The following GPM6A variants were observed in gnomAD, a reference collection of about 807,000 sequenced individuals.
GPM6A encodes the protein neuronal membrane glycoprotein M6-a.
In GPM6A, 7 loss-of-function variants were observed where a neutral mutation model predicts 32.1. That is an observed-to-expected ratio of 0.22 (90% CI 0.12 to 0.41). GPM6A has a LOEUF of 0.41. Ranked by LOEUF, GPM6A falls within the 10% of genes least tolerant of loss-of-function variation. The probability of loss-of-function intolerance (pLI) is 1.00; values close to 1 mark genes in which losing one functional copy is unlikely to be tolerated. For synonymous variants in GPM6A, 130 were observed against 123.4 expected, an observed-to-expected ratio of 1.05 and a Z score of -0.35; for missense variants, 235 against 347.2, an observed-to-expected ratio of 0.68 and a Z score of 2.57.
At chr4:175,755,168 C>A (rs1454203838) in intron 1 of GPM6A, among the ~76,000 whole-genome samples, 4 of 151,876 alleles carry the variant, frequency 2.6e-5, no homozygotes, top group Non-Finnish European at 4.4e-5. Context: ...CAAGGAAATA[C>A]AACTGGTTGT....
chr4:175,787,063 T>G, intron 1 of GPM6A: 1 of 356,718 alleles, frequency 2.8e-6, no homozygotes, highest in African/African-American at 2.1e-5. Context: ...TTGTTTGTTT[T>G]CCTTTGTTTT....
At chr4:175,752,587 CAT>C (rs1212027471) in intron 1 of GPM6A, among the ~76,000 whole-genome samples, 1 of 152,132 alleles carries the variant, frequency 6.6e-6, no homozygotes, top group East Asian at 1.9e-4. Flanking sequence ...TACAAGAAGA[CAT>C]ATTTCCAGAG....
chr4:175,954,886 T>C (rs1281110286), intron 1 of GPM6A, among the ~76,000 whole-genome samples: 1 of 152,200 alleles, frequency 6.6e-6, no homozygotes. Flanking sequence ...AGCCAGGGAC[T>C]ACAGTAAATT....
chr4:175,883,583 T>A (rs923041209), intron 1 of GPM6A, among the ~76,000 whole-genome samples: 18 of 152,164 alleles, frequency 1.2e-4, no homozygotes, highest in African/African-American at 4.3e-4. Flanking sequence ...TAGATGCATC[T>A]TCCCAAGTTA....
chr4:175,976,391 C>A (rs1740664388), intron 1 of GPM6A, among the ~76,000 whole-genome samples: 1 of 150,342 alleles, frequency 6.7e-6, no homozygotes. Flanking sequence ...TGGTCTCGAT[C>A]TCCTGACCCT....
intron 4 of GPM6A, among the ~76,000 whole-genome samples, chr4:175,645,024 C>T (rs368266101): frequency 2.0e-5 from 3 of 152,048 alleles, no homozygotes; most frequent in Middle Eastern, 3.4e-3. Context: ...CGCTTGAACC[C>T]GGGAGGTGGA....
At chr4:175,991,049 C>A (rs1741122102) in intron 1 of GPM6A, among the ~76,000 whole-genome samples, 2 of 149,516 alleles carry the variant, frequency 1.3e-5, no homozygotes, top group Middle Eastern at 3.4e-3. Flanking sequence ...CTTTTTAAAT[C>A]TTTCTTTCTT....
chr4:175,950,307 A>G (rs575150712), intron 1 of GPM6A, among the ~76,000 whole-genome samples: 1 of 152,162 alleles, frequency 6.6e-6, no homozygotes, highest in Non-Finnish European at 1.5e-5. Context: ...TTTTTATTCA[A>G]TTTTTTTACA....
At chr4:175,741,319 C>A (rs537208336) in intron 1 of GPM6A, among the ~76,000 whole-genome samples, 4 of 152,096 alleles carry the variant, frequency 2.6e-5, no homozygotes, top group African/African-American at 7.2e-5. Flanking sequence ...TCTATTCTGC[C>A]TCTTCATCCC....
chr4:175,711,360 A>G (rs1788423882), intron 1 of GPM6A, among the ~76,000 whole-genome samples: 1 of 144,692 alleles, frequency 6.9e-6, no homozygotes, highest in Admixed American at 7.0e-5. Flanking sequence ...GAAATAAAAG[A>G]TAAAGCAGGC....
rs546178658 is a variant in GPM6A, at chr4:175,636,328, A to G, written c.685-1271T>C. 3.2e-4 allele frequency among the ~76,000 whole-genome samples: 46 copies of G among 144,684 alleles called. 1 individual carries two copies. The South Asian group carries it at 1.0e-2, about 31-fold the overall frequency. The allele number at this position is 144,684 out of a possible 152,430, so 94.9% of individuals were successfully genotyped here. ...TATATATGGATTAAATAAGGCTTATACACATAATGAAGTTTATGCAGTATT... is the reference window on the plus strand; with the variant it reads ...TATATATGGATTAAATAAGGCTTATGCACATAATGAAGTTTATGCAGTATT... On this transcript the variant is annotated intron_variant, in intron 6 of 6. Transcript: ENST00000393658.
chr4:175,844,244 A>C (rs986360768), intron 1 of GPM6A, among the ~76,000 whole-genome samples: 2 of 152,220 alleles, frequency 1.3e-5, no homozygotes, highest in African/African-American at 4.8e-5. Flanking sequence ...CATGAGAAAT[A>C]TAAAATTGTG....
chr4:175,798,409 T>C (rs17062049), intron 1 of GPM6A, among the ~76,000 whole-genome samples: 68,913 of 152,086 alleles, frequency 0.45, 16,447 homozygotes, highest in Non-Finnish European at 0.53. Context: ...CACTTACAAT[T>C]CAGTTATTCA....
intron 6 of GPM6A, among the ~76,000 whole-genome samples, chr4:175,637,624 ATTAT>A (rs1740815081): frequency 9.4e-5 from 3 of 31,910 alleles, no homozygotes; most frequent in Non-Finnish European, 2.4e-4. Context: ...TATAATATAT[ATTAT>A]ATATATATTA....
chr4:175,889,731 T>C (rs916411646), intron 1 of GPM6A, among the ~76,000 whole-genome samples: 2 of 151,616 alleles, frequency 1.3e-5, no homozygotes, highest in African/African-American at 4.8e-5. Flanking sequence ...GAGAATGGCG[T>C]GAACCCGGGA....
At chr4:175,813,049 A>C (rs1164605848), upstream of GPM6A, 7 of 982,328 alleles carry the variant, frequency 7.1e-6, no homozygotes, top group African/African-American at 1.2e-4. Flanking sequence ...TTAAGTAATT[A>C]TTTTACTTAG....
At chr4:176,000,050 T>C (rs551883470) in intron 1 of GPM6A, among the ~76,000 whole-genome samples, 51 of 152,204 alleles carry the variant, frequency 3.4e-4, no homozygotes, top group Non-Finnish European at 6.8e-4. Context: ...GACTGCATAC[T>C]TGAATCTCTG....
chr4:175,673,946 A>G, intron 2 of GPM6A, 110 bp from the exon 3 acceptor site: 1 of 664,524 alleles, frequency 1.5e-6, no homozygotes, highest in Admixed American at 3.0e-5. Context: ...TAGAATATTT[A>G]TATTCATAAT....
intron 1 of GPM6A, among the ~76,000 whole-genome samples, chr4:175,731,897 T>C (rs1418158264): frequency 2.0e-5 from 3 of 152,078 alleles, no homozygotes; most frequent in African/African-American, 7.2e-5. Context: ...TTGCACTGGC[T>C]GTTCCTTGTA....
Sources: gnomAD v4.1 joint callset for allele counts (sites outside exome capture counted in the v4.1 genomes callset) on GRCh38, gnomAD v4.1.1 for gene constraint, MANE v1.5 for transcripts, NCBI Gene and HGNC (gene_info 2026-07-23, HGNC 2026-07-21) for gene names.